DLG2: variants seen among roughly 807,000 people sequenced by gnomAD.
The protein encoded by DLG2 is discs large MAGUK scaffold protein 2, also known as disks large homolog 2.
In DLG2, 45 loss-of-function variants were observed where a neutral mutation model predicts 132.5. That is an observed-to-expected ratio of 0.34 (90% CI 0.27 to 0.44). DLG2 has a LOEUF of 0.44. Among genes scored for constraint, DLG2 ranks in the 20% least tolerant of loss-of-function variants. DLG2 has a pLI of 1.00. For synonymous variants in DLG2, 424 were observed against 419.6 expected, an observed-to-expected ratio of 1.01 and a Z score of -0.13; for missense variants, 1,045 against 1,196.9, an observed-to-expected ratio of 0.87 and a Z score of 1.87.
At chr11:83,467,765 C>CTATATATA (rs1565338244) in intron 25 of DLG2, among the ~76,000 whole-genome samples, 5 of 98,982 alleles carry the variant, frequency 5.1e-5, no homozygotes, top group Non-Finnish European at 9.9e-5. Flanking sequence ...AAAATAAAAA[C>CTATATATA]TATATGTATA....
chr11:84,026,854 T>C (rs2095547815), intron 11 of DLG2, among the ~76,000 whole-genome samples: 1 of 152,136 alleles, frequency 6.6e-6, no homozygotes, highest in Non-Finnish European at 1.5e-5. Flanking sequence ...TCTTTTAATT[T>C]TTCCATCTGT....
At chr11:84,165,713 T>A (rs1596453784) in intron 8 of DLG2, among the ~76,000 whole-genome samples, 1 of 151,752 alleles carries the variant, frequency 6.6e-6, no homozygotes, top group Admixed American at 6.6e-5. Context: ...GCCTGGCCAA[T>A]ATGGTGAAAC....
At chr11:84,958,264 A>G (rs1401959539) in intron 6 of DLG2, among the ~76,000 whole-genome samples, 1 of 152,106 alleles carries the variant, frequency 6.6e-6, no homozygotes, top group Admixed American at 6.6e-5. Context: ...TCCCAAGCCC[A>G]AGTTTTTTAG....
intron 6 of DLG2, among the ~76,000 whole-genome samples, chr11:84,929,955 A>G (rs1566428482): frequency 6.6e-6 from 1 of 152,150 alleles, no homozygotes; most frequent in Non-Finnish European, 1.5e-5. Flanking sequence ...GAAGTTCTAC[A>G]TGTACTTTCA....
At chr11:84,344,296 C>T (rs1037614537) in intron 7 of DLG2, among the ~76,000 whole-genome samples, 1 of 152,120 alleles carries the variant, frequency 6.6e-6, no homozygotes, top group Admixed American at 6.6e-5. Flanking sequence ...ACTAATTTTT[C>T]TGATATCTAA....
At chr11:83,712,707 A>G (rs1242828454) in intron 18 of DLG2, among the ~76,000 whole-genome samples, 1 of 152,230 alleles carries the variant, frequency 6.6e-6, no homozygotes, top group African/African-American at 2.4e-5. Flanking sequence ...AAACTAACAC[A>G]GGAACAGAAA....
At chr11:83,834,936 T>C (rs748463948) in intron 16 of DLG2, among the ~76,000 whole-genome samples, 14 of 152,186 alleles carry the variant, frequency 9.2e-5, no homozygotes, top group Admixed American at 3.3e-4. Context: ...CTCTTAATGA[T>C]GTAAGAATGA....
chr11:84,444,066 A>C (rs900008427), intron 7 of DLG2, among the ~76,000 whole-genome samples: 1 of 151,604 alleles, frequency 6.6e-6, no homozygotes. Flanking sequence ...TTTCAGGGAC[A>C]TGAATGGAGC....
At chr11:84,635,003 A>G (rs1048622167) in intron 6 of DLG2, among the ~76,000 whole-genome samples, 2 of 152,312 alleles carry the variant, frequency 1.3e-5, no homozygotes, top group South Asian at 2.1e-4. Context: ...CAATAATTCA[A>G]TCCGCTGGAG....
In DLG2 at chr11:84,784,352, A is replaced by AT. The variant is rs763434940; in HGVS notation, c.358-249622dup. On this transcript the variant is annotated intron_variant, in intron 6 of 27. Coordinates refer to ENST00000376104, the MANE Select transcript of DLG2 (RefSeq NM_001142699.3). ...AATAAATAAATAAATAAATAAATAAATAAATAAATAAATAAATTAAACAAG... is the reference window on the plus strand; with the variant it reads ...AATAAATAAATAAATAAATAAATAAATTAAATAAATAAATAAATTAAACAAG... Among the ~76,000 whole-genome samples, 100 of 148,424 alleles carry AT rather than the reference A, an allele frequency of 6.7e-4. 1 individual carries two copies. The highest frequency in any genetic ancestry group is 2.0e-3 in the Admixed American group (29 of 14,820).
chr11:83,812,541 G>A (rs2047586852), intron 17 of DLG2, among the ~76,000 whole-genome samples: 1 of 152,126 alleles, frequency 6.6e-6, no homozygotes, highest in South Asian at 2.1e-4. Context: ...CACTTATGAT[G>A]TTTCTGAAAT....
chr11:85,605,385 T>C (rs1027389301), intron 2 of DLG2, among the ~76,000 whole-genome samples: 1 of 152,228 alleles, frequency 6.6e-6, no homozygotes, highest in African/African-American at 2.4e-5. Flanking sequence ...ATAAATCGTA[T>C]CACTGAATTT....
At chr11:84,510,414 G>C (rs553867333) in intron 7 of DLG2, among the ~76,000 whole-genome samples, 1 of 151,964 alleles carries the variant, frequency 6.6e-6, no homozygotes, top group Admixed American at 6.6e-5. Context: ...AAATGAAAGC[G>C]CCAGAAATTC....
intron 6 of DLG2, among the ~76,000 whole-genome samples, chr11:84,630,695 A>G (rs1005813985): frequency 2.0e-5 from 3 of 151,774 alleles, no homozygotes; most frequent in African/African-American, 4.8e-5. Flanking sequence ...TGAATAACAC[A>G]TTATAACAAT....
intron 19 of DLG2, among the ~76,000 whole-genome samples, chr11:83,602,538 C>T (rs567627446): frequency 5.9e-5 from 9 of 152,336 alleles, no homozygotes; most frequent in East Asian, 1.9e-4. Flanking sequence ...CAGGAGAAAA[C>T]GTTAAACCAA....
chr11:83,777,372 T>A (rs1300270021), intron 18 of DLG2, among the ~76,000 whole-genome samples: 2 of 152,238 alleles, frequency 1.3e-5, no homozygotes, highest in Non-Finnish European at 2.9e-5. Context: ...TAAAGATGTA[T>A]ACTTTCTATT....
At chr11:84,471,963 G>GA (rs201934609) in intron 7 of DLG2, among the ~76,000 whole-genome samples, 8 of 148,468 alleles carry the variant, frequency 5.4e-5, no homozygotes, top group South Asian at 2.1e-4. Context: ...TAAAATTAAG[G>GA]AAAAAAAAAG....
chr11:85,127,885 T>A (rs2075310204), intron 5 of DLG2, among the ~76,000 whole-genome samples: 1 of 152,168 alleles, frequency 6.6e-6, no homozygotes, highest in Non-Finnish European at 1.5e-5. Context: ...AAAGTCATAA[T>A]AAAAAATATT....
rs549860148 is a variant in DLG2 at position 84,821,685 on chromosome 11, CTA to C, written c.358-286956_358-286955del. On this transcript the variant is annotated intron_variant, in intron 6 of 27. Coordinates refer to ENST00000376104, the MANE Select transcript of DLG2 (RefSeq NM_001142699.3). ...CAAAAAAACAACTTTGGTTAAACTT[CTA>C]GTCATTTTTTGTTGTTGTTGAGTTC... Among the ~76,000 whole-genome samples, 224 of 149,304 alleles carry C rather than the reference CTA, an allele frequency of 1.5e-3. 11 individuals are homozygous for C. Among genetic ancestry groups the C allele is most frequent in the Admixed American group, 0.014 (203 of 15,008 alleles).
Sources: gnomAD v4.1 joint callset for allele counts (sites outside exome capture counted in the v4.1 genomes callset) on GRCh38, gnomAD v4.1.1 for gene constraint, MANE v1.5 for transcripts, NCBI Gene and HGNC (gene_info 2026-07-23, HGNC 2026-07-21) for gene names.